Variants in BZW1 observed in about 807,000 individuals in gnomAD.
The protein encoded by BZW1 is basic leucine zipper and W2 domains 1.
In BZW1, 3 loss-of-function variants were observed where a neutral mutation model predicts 54.1. The ratio of observed to expected loss-of-function variants is 0.06; its 90% CI spans 0.03 to 0.14. The LOEUF (loss-of-function observed/expected upper bound fraction) is 0.14. BZW1 is among the 10% of genes least tolerant of loss of function. The pLI, the probability that BZW1 is intolerant of heterozygous loss-of-function variation, is 1.00. For synonymous variants in BZW1, 152 were observed against 162.7 expected, an observed-to-expected ratio of 0.93 and a Z score of 0.50; for missense variants, 206 against 491.7, an observed-to-expected ratio of 0.42 and a Z score of 5.50.
At position 200,824,801 on chromosome 2, in the gene BZW1, A is replaced by G. The variant is rs998719558; in HGVS notation, c.*2623A>G. On this transcript the variant is annotated 3_prime_UTR_variant, in exon 12 of 12. Coordinates refer to ENST00000409600, the MANE Select transcript of BZW1 (RefSeq NM_001207067.2). ...ATTCTCCTGCCTCAGCCTCCCGAGT[A>G]GCTGGGACTACAGGCGCCCGCCACC... 2 of 151,154 alleles carry G rather than the reference A, an allele frequency of 1.3e-5. No individual in the cohort carries two copies. Among genetic ancestry groups the G allele is most frequent in the Admixed American group, 6.6e-5 (1 of 15,104 alleles). The allele number at this position is 151,154 out of a possible 1,614,324, so 9.4% of individuals were successfully genotyped here. A position where few individuals can be genotyped will look rare whatever the true frequency, so the allele number is the denominator to read the frequency against.
rs183997345 is a variant in BZW1, at chr2:200,824,821, G to C, written c.*2643G>C. 6.6e-6 allele frequency: 1 copy of C among 151,530 alleles called. No individual in the cohort carries two copies. Among genetic ancestry groups the C allele is most frequent in the East Asian group, 2.0e-4 (1 of 5,114 alleles). 9.4% of individuals were successfully genotyped at this position (151,530 alleles called of 1,614,324 possible). The stretch of plus-strand genomic sequence containing the variant: ...CGAGTAGCTGGGACTACAGGCGCCC[G>C]CCACCATGCCCGACTAATTTTTTTG... On this transcript the variant is annotated 3_prime_UTR_variant, in exon 12 of 12. Coordinates refer to ENST00000409600, the MANE Select transcript of BZW1 (RefSeq NM_001207067.2).
At chr2:200,811,837 G>T (rs1478117710), upstream of BZW1, 4 of 169,574 alleles carry the variant, frequency 2.4e-5, no homozygotes, top group Non-Finnish European at 5.0e-5. Context: ...GATCAGGGCG[G>T]GGCAAGGGGA....
Position 200,822,245 on chromosome 2 carries a change from C to G in BZW1, c.*67C>G. ...GATAAAATGTCATGTCTCATGTGTC[C>G]TGGTTCTTACATCTTCCTACCTCCC... On this transcript the variant is annotated 3_prime_UTR_variant, in exon 12 of 12. Transcript: ENST00000409600. 2.9e-6 allele frequency: 4 copies of G among 1,369,404 alleles called. No homozygotes were observed. The South Asian group carries it at 3.7e-5, about 13-fold the overall frequency. 84.8% of individuals were successfully genotyped at this position (1,369,404 alleles called of 1,614,324 possible).
chr2:200,825,651 G>A lies in BZW1; in HGVS notation c.*3473G>A, dbSNP rs147293081. Reference sequence around the variant, plus strand: ...AACAGATTCTTTCTTGATTATAAATGTATTACTAAGTAGAATCATTTGGGT... The same window carrying A: ...AACAGATTCTTTCTTGATTATAAATATATTACTAAGTAGAATCATTTGGGT... On this transcript the variant is annotated 3_prime_UTR_variant, in exon 12 of 12. Transcript: ENST00000409600. 5.6e-4 allele frequency: 85 copies of A among 152,282 alleles called. No homozygotes were observed. The highest frequency in any genetic ancestry group is 1.5e-3 in the African/African-American group (61 of 41,548). The allele number at this position is 152,282 out of a possible 1,614,324, so 9.4% of individuals were successfully genotyped here.
rs2038490790 is a variant in BZW1 at position 200,821,078 on chromosome 2, T to C, written c.1106-105T>C. ...CCATTTCTCATGGATGTTTTTAGCT[T>C]TTCAGCAGTTTGTTTGCTAAGCAGG... is the stretch of plus-strand genomic sequence containing the variant. On this transcript the variant is annotated intron_variant, in intron 10 of 11. Coordinates refer to ENST00000409600, the MANE Select transcript of BZW1 (RefSeq NM_001207067.2). 4 of 1,370,426 alleles carry C rather than the reference T, an allele frequency of 2.9e-6. No homozygotes were observed. In the Admixed American group the frequency reaches 8.5e-5, roughly 29 times the overall value. 84.9% of individuals were successfully genotyped at this position (1,370,426 alleles called of 1,614,324 possible). A position where few individuals can be genotyped will look rare whatever the true frequency, so the allele number is the denominator to read the frequency against.
intron 2 of BZW1, among the ~76,000 whole-genome samples, chr2:200,814,138 T>G (rs2038201681): frequency 6.6e-6 from 1 of 152,258 alleles, no homozygotes; most frequent in African/African-American, 2.4e-5. Flanking sequence ...GTAAATTTTC[T>G]TAAGGAGCTG....
chr2:200,814,924 A>G (rs2038231384), intron 2 of BZW1, among the ~76,000 whole-genome samples: 1 of 152,260 alleles, frequency 6.6e-6, no homozygotes, highest in South Asian at 2.1e-4. Context: ...GCTCACCTTC[A>G]TAAATGCCAA....
rs1219081550 is a variant in BZW1 at position 200,820,128 on chromosome 2, A to G, written c.1105+8A>G. On this transcript the variant is annotated splice_region_variant and intron_variant, in intron 10 of 11. Coordinates refer to ENST00000409600, the MANE Select transcript of BZW1 (RefSeq NM_001207067.2). ...TGGTGCTTTTTTATAAAGGTAATTT[A>G]GATTTTGAATTTTGTAAATAACACT... 1 of 1,526,560 alleles carries G rather than the reference A, an allele frequency of 6.6e-7. No individual in the cohort carries two copies. Among genetic ancestry groups the G allele is most frequent in the East Asian group, 2.4e-5 (1 of 41,464 alleles). The allele number at this position is 1,526,560 out of a possible 1,614,324, so 94.6% of individuals were successfully genotyped here.
At chr2:200,818,615 CTT>C (rs1304809117) in intron 8 of BZW1, 138 bp from the exon 9 acceptor site, 2 of 1,094,566 alleles carry the variant, frequency 1.8e-6, no homozygotes, top group African/African-American at 1.6e-5. Flanking sequence ...GTAAAGGTCT[CTT>C]TTTATATGTG....
intron 1 of BZW1, 69 bp from the exon 2 acceptor site, chr2:200,813,139 G>A (rs1348302868): frequency 1.5e-6 from 2 of 1,317,604 alleles, no homozygotes; most frequent in Non-Finnish European, 2.2e-6. Flanking sequence ...ACTAGACTAA[G>A]GTTTGATGTT....
chr2:200,812,308 A>T (rs1171197883), intron 1 of BZW1: 3 of 1,253,636 alleles, frequency 2.4e-6, no homozygotes, highest in Non-Finnish European at 3.0e-6. Context: ...CTGTTGTGTG[A>T]TGTACGCGTG....
intron 6 of BZW1, among the ~76,000 whole-genome samples, chr2:200,817,447 C>A (rs1476172528): frequency 6.6e-6 from 1 of 152,022 alleles, no homozygotes; most frequent in Non-Finnish European, 1.5e-5. Context: ...CAACAGATAC[C>A]CAGATTTAGA....
chr2:200,812,208 T>C, intron 1 of BZW1: 1 of 1,223,478 alleles, frequency 8.2e-7, no homozygotes, highest in Admixed American at 4.2e-5. Flanking sequence ...GGGGTCCGGG[T>C]GTGCGCCGCG....
chr2:200,816,503 T>G (rs765367730), intron 5 of BZW1, 113 bp downstream of exon 5: 1 of 736,062 alleles, frequency 1.4e-6, no homozygotes, highest in Non-Finnish European at 2.1e-6. Flanking sequence ...GTTTGGGTTG[T>G]TTTTTGAGAC....
chr2:200,811,784 C>T (rs2038071010), upstream of BZW1: 1 of 156,730 alleles, frequency 6.4e-6, no homozygotes, highest in Non-Finnish European at 1.4e-5. Flanking sequence ...CAGTCCCTCA[C>T]CCTAATCCGC....
chr2:200,820,222 AT>A, intron 10 of BZW1, 102 bp downstream of exon 10: 1 of 1,116,908 alleles, frequency 9.0e-7, no homozygotes, highest in Non-Finnish European at 1.2e-6. Context: ...TCCCTGAAAT[AT>A]TTTACTTCTA....
chr2:200,822,328 G>A lies in BZW1; in HGVS notation c.*150G>A. 1.6e-6 allele frequency: 1 copy of A among 613,844 alleles called. No homozygotes were observed. Among genetic ancestry groups the A allele is most frequent in the Admixed American group, 3.4e-5 (1 of 29,596 alleles). The allele number at this position is 613,844 out of a possible 1,614,324, so 38.0% of individuals were successfully genotyped here. A position where few individuals can be genotyped will look rare whatever the true frequency, so the allele number is the denominator to read the frequency against. ...AAATTTTATTTTAACTGTTTCTATG[G>A]TTGCTGGAAATGTTGGGTTTAGTTT... On this transcript the variant is annotated 3_prime_UTR_variant, in exon 12 of 12. Coordinates refer to ENST00000409600, the MANE Select transcript of BZW1 (RefSeq NM_001207067.2).
chr2:200,812,931 T>C (rs1200301158), intron 1 of BZW1: 1 of 667,014 alleles, frequency 1.5e-6, no homozygotes, highest in Non-Finnish European at 2.8e-6. Context: ...AACAATTAGG[T>C]TTATGACGGG....
intron 3 of BZW1, 68 bp downstream of exon 3, chr2:200,815,585 T>C (rs2038258838): frequency 6.3e-7 from 1 of 1,599,356 alleles, no homozygotes; most frequent in Non-Finnish European, 8.5e-7. Context: ...ATGGAGAGTC[T>C]AGAATATGAA....
Sources: allele counts gnomAD v4.1 joint callset (sites outside exome capture counted in the v4.1 genomes callset), GRCh38; gene constraint gnomAD v4.1.1; transcripts MANE v1.5; gene names NCBI Gene and HGNC (gene_info 2026-07-23, HGNC 2026-07-21).